The following PROM1 variants were observed in gnomAD, a reference collection of about 807,000 sequenced individuals.
PROM1 encodes prominin 1, also known as prominin-1.
PROM1 carries 105 observed loss-of-function variants against 116.9 expected under a neutral mutation model. That is an observed-to-expected ratio of 0.90 (90% confidence interval 0.77 to 1.06). PROM1 has a LOEUF of 1.06. PROM1 is among the 50% of genes least tolerant of loss of function. The pLI is 0.00. For synonymous variants in PROM1, 393 were observed against 387.0 expected (o/e 1.02, Z -0.18); for missense variants, 1,122 against 1,045.2 (o/e 1.07, Z -1.01).
rs556285973 is a variant in PROM1, at chr4:16,057,683, C to A, written c.220+18004G>T. Among the ~76,000 whole-genome samples, 3 of 152,254 alleles carry A rather than the reference C, an allele frequency of 2.0e-5. No homozygotes were observed. The South Asian group carries it at 6.2e-4, about 32-fold the overall frequency. On this transcript the variant is annotated intron_variant, in intron 2 of 27. Coordinates refer to ENST00000447510, the MANE Select transcript of PROM1 (RefSeq NM_006017.3). ...TTTCCCTTCTCTAGTTTTAAATTATCGACTCTTCTTATTTTAATCCCACTC... is the reference window on the plus strand; with the variant it reads ...TTTCCCTTCTCTAGTTTTAAATTATAGACTCTTCTTATTTTAATCCCACTC...
Position 15,998,495 on chromosome 4 carries a change from C to A in PROM1, c.1579-7G>T, listed in dbSNP as rs1342898968. ...AGTAGGGTGTATCCAAAACCTAGAA[C>A]ACATTAGGAAGTATTTTCGAAAAAT... On this transcript the variant is annotated splice_polypyrimidine_tract_variant and splice_region_variant and intron_variant, in intron 14 of 27. Coordinates refer to ENST00000447510, the MANE Select transcript of PROM1 (RefSeq NM_006017.3). The A allele has an allele frequency of 3.8e-6, 6 of 1,591,046 alleles. No homozygotes were observed. In the African/African-American group the frequency reaches 6.8e-5, roughly 18 times the overall value.
chr4:15,997,514 C>T (rs1722643219), intron 15 of PROM1, among the ~76,000 whole-genome samples: 1 of 151,828 alleles, frequency 6.6e-6, no homozygotes, highest in Admixed American at 6.6e-5. Context: ...GGCTGGAGTG[C>T]AGTGGCACGA....
intron 23 of PROM1, among the ~76,000 whole-genome samples, chr4:15,981,031 G>C (rs955176427): frequency 6.6e-6 from 1 of 151,112 alleles, no homozygotes; most frequent in Non-Finnish European, 1.5e-5. Context: ...GTGCGATCTC[G>C]GCTCACTGCA....
chr4:16,039,033 T>C (rs1734582810), intron 2 of PROM1, 32 bp from the exon 3 acceptor site: 1 of 1,442,236 alleles, frequency 6.9e-7, no homozygotes, highest in African/African-American at 1.5e-5. Context: ...AGCAATATTA[T>C]TTTTTCAGTA....
chr4:15,972,886 C>G (rs1161567780), intron 26 of PROM1, among the ~76,000 whole-genome samples: 1 of 152,190 alleles, frequency 6.6e-6, no homozygotes, highest in Non-Finnish European at 1.5e-5. Flanking sequence ...CACAACACAA[C>G]AGGGCTCTGA....
intron 4 of PROM1, among the ~76,000 whole-genome samples, chr4:16,033,857 AT>A (rs1056782480): frequency 4.0e-5 from 6 of 151,128 alleles, no homozygotes; most frequent in African/African-American, 1.5e-4. Context: ...GCCATGTTTC[AT>A]TTTTTTAACC....
chr4:15,985,228 T>C (rs1226984183), intron 22 of PROM1, among the ~76,000 whole-genome samples: 2 of 152,212 alleles, frequency 1.3e-5, no homozygotes, highest in African/African-American at 4.8e-5. Flanking sequence ...CAGGAGGATG[T>C]GCATAGGTTA....
chr4:16,081,193 C>T (rs1422182570), intron 1 of PROM1, among the ~76,000 whole-genome samples: 2 of 151,968 alleles, frequency 1.3e-5, no homozygotes, highest in East Asian at 3.9e-4. Context: ...AGGTATATGT[C>T]CTAATGCTAT....
chr4:16,037,669 GAAGGAACA>G (rs1734249418), intron 3 of PROM1, among the ~76,000 whole-genome samples: 1 of 152,132 alleles, frequency 6.6e-6, no homozygotes, highest in African/African-American at 2.4e-5. Context: ...ACCAGGAAAG[GAAGGAACA>G]AAGTGCTTTA....
At chr4:16,020,930 A>AT (rs373887077) in intron 8 of PROM1, among the ~76,000 whole-genome samples, 44 of 152,306 alleles carry the variant, frequency 2.9e-4, no homozygotes, top group African/African-American at 1.0e-3. Context: ...AGTGGAAAAG[A>AT]TATCTAAGGT....
intron 8 of PROM1, among the ~76,000 whole-genome samples, chr4:16,019,429 G>A (rs769676308): frequency 2.0e-5 from 3 of 152,196 alleles, no homozygotes; most frequent in Non-Finnish European, 2.9e-5. Context: ...GGCAAACAAC[G>A]CATATTCTAC....
intron 13 of PROM1, among the ~76,000 whole-genome samples, chr4:16,001,567 G>C (rs948586179): frequency 6.6e-6 from 1 of 152,140 alleles, no homozygotes; most frequent in Admixed American, 6.5e-5. Flanking sequence ...ATGTGGGTGT[G>C]ATGCCACCTA....
In PROM1 at chr4:15,981,151, C is replaced by T. The variant is rs1403551736; in HGVS notation, c.2374-614G>A. Among the ~76,000 whole-genome samples the T allele has an allele frequency of 4.7e-5, 7 of 150,494 alleles. 1 individual carries two copies. In the South Asian group the frequency reaches 1.5e-3, roughly 31 times the overall value. On this transcript the variant is annotated intron_variant, in intron 23 of 27. Coordinates refer to ENST00000447510, the MANE Select transcript of PROM1 (RefSeq NM_006017.3). ...TGATTTTTTGTATTTTTAGTAGAGA[C>T]GGGGTTTCACCGGGTTAGCCAGGAT...
chr4:16,003,930 G>T (rs933028983), intron 13 of PROM1, among the ~76,000 whole-genome samples: 1 of 152,176 alleles, frequency 6.6e-6, no homozygotes, highest in Non-Finnish European at 1.5e-5. Context: ...TTTTGAAAGA[G>T]ACCATGCTCT....
At chr4:16,042,002 T>C (rs1297891355) in intron 2 of PROM1, among the ~76,000 whole-genome samples, 1 of 152,012 alleles carries the variant, frequency 6.6e-6, no homozygotes, top group Non-Finnish European at 1.5e-5. Flanking sequence ...TTTGTAGAGA[T>C]GGTGTCTCAC....
intron 2 of PROM1, among the ~76,000 whole-genome samples, chr4:16,055,627 T>C (rs1379929571): frequency 2.0e-5 from 3 of 152,196 alleles, no homozygotes; most frequent in Non-Finnish European, 4.4e-5. Flanking sequence ...AAGACTCTGC[T>C]ACATAGCTAG....
chr4:16,075,994 C>A lies in PROM1; in HGVS notation c.-88G>T. ...AGCCTTGGGGAAGGCAAGCGTGTTC[C>A]TGGGCAGAAGAGGAGCAGGAAGCAC... On this transcript the variant is annotated 5_prime_UTR_variant, in exon 2 of 28. In the 5' UTR this introduces an upstream ATG that the reference lacks. Coordinates refer to ENST00000447510, the MANE Select transcript of PROM1 (RefSeq NM_006017.3). 1 of 1,469,692 alleles carries A rather than the reference C, an allele frequency of 6.8e-7. No homozygotes were observed. The highest frequency in any genetic ancestry group is 1.4e-5 in the South Asian group (1 of 69,092). 91.0% of individuals were successfully genotyped at this position (1,469,692 alleles called of 1,614,324 possible). A position where few individuals can be genotyped will look rare whatever the true frequency, so the allele number is the denominator to read the frequency against.
chr4:15,995,591 G>C (rs766180177), intron 15 of PROM1, among the ~76,000 whole-genome samples: 6 of 152,042 alleles, frequency 3.9e-5, no homozygotes, highest in Non-Finnish European at 7.4e-5. Context: ...TTTGTATTTG[G>C]CCCCAAAGTG....
chr4:16,013,236 C>G, intron 11 of PROM1, 39 bp downstream of exon 11: 1 of 1,523,116 alleles, frequency 6.6e-7, no homozygotes, highest in African/African-American at 1.4e-5. Context: ...TCTGTACTGA[C>G]CTACCAATCA....
Sources: allele counts gnomAD v4.1 joint callset (sites outside exome capture counted in the v4.1 genomes callset), GRCh38; gene constraint gnomAD v4.1.1; transcripts MANE v1.5; gene names NCBI Gene and HGNC (gene_info 2026-07-23, HGNC 2026-07-21).